Variants in ARHGAP26 observed in about 807,000 individuals in gnomAD.
ARHGAP26 encodes the protein rho GTPase-activating protein 26.
ARHGAP26 carries 38 observed loss-of-function variants against 104.8 expected under a neutral mutation model. That is an observed-to-expected ratio of 0.36 (90% confidence interval 0.28 to 0.48). The LOEUF (loss-of-function observed/expected upper bound fraction) is 0.48, where lower values mean the gene tolerates loss of function less well. Among genes scored for constraint, ARHGAP26 ranks in the 20% least tolerant of loss-of-function variants. ARHGAP26 has a pLI of 0.99. For synonymous variants in ARHGAP26, 341 were observed against 340.0 expected, an observed-to-expected ratio of 1.00 and a Z score of -0.03; for missense variants, 704 against 947.9, an observed-to-expected ratio of 0.74 and a Z score of 3.38.
At chr5:143,133,023 C>T (rs545222275) in intron 18 of ARHGAP26, among the ~76,000 whole-genome samples, 43 of 152,202 alleles carry the variant, frequency 2.8e-4, no homozygotes, top group Middle Eastern at 3.4e-3. Flanking sequence ...CACAGTGTGA[C>T]GACTGGTACC....
chr5:142,936,087 T>C (rs1268935573), intron 11 of ARHGAP26, among the ~76,000 whole-genome samples: 7 of 148,438 alleles, frequency 4.7e-5, no homozygotes. Context: ...AACACAATTG[T>C]CTATGTAGAA....
chr5:143,065,450 A>G (rs981483621), intron 17 of ARHGAP26, among the ~76,000 whole-genome samples: 3 of 152,204 alleles, frequency 2.0e-5, no homozygotes, highest in African/African-American at 2.4e-5. Context: ...TTCTACGTAT[A>G]TGAAGTTAAT....
At chr5:142,916,023 C>A (rs765782236) in intron 10 of ARHGAP26, among the ~76,000 whole-genome samples, 37 of 152,110 alleles carry the variant, frequency 2.4e-4, no homozygotes, top group Non-Finnish European at 4.1e-4. Context: ...CCTGCTGGAC[C>A]AGAGAGGCAG....
intron 11 of ARHGAP26, among the ~76,000 whole-genome samples, chr5:142,953,571 A>G (rs1167237758): frequency 1.3e-5 from 2 of 152,136 alleles, no homozygotes; most frequent in African/African-American, 4.8e-5. Context: ...CTTCCTTTCT[A>G]ATAGGCTCTT....
chr5:142,884,436 C>T (rs531769673), intron 4 of ARHGAP26, among the ~76,000 whole-genome samples: 9 of 152,130 alleles, frequency 5.9e-5, no homozygotes, highest in Non-Finnish European at 8.8e-5. Flanking sequence ...GACAATAATA[C>T]GGCTAATAAT....
intron 11 of ARHGAP26, among the ~76,000 whole-genome samples, chr5:142,960,423 G>T (rs1770024382): frequency 6.6e-6 from 1 of 152,264 alleles, no homozygotes; most frequent in East Asian, 1.9e-4. Flanking sequence ...CAATTCATAA[G>T]TTTTTAATTG....
intron 13 of ARHGAP26, among the ~76,000 whole-genome samples, chr5:143,039,978 G>A (rs1401894252): frequency 6.6e-6 from 1 of 152,170 alleles, no homozygotes. Context: ...AAAAAAGTGG[G>A]TATCTCCCGA....
chr5:143,167,936 C>T (rs17209132), intron 20 of ARHGAP26, among the ~76,000 whole-genome samples: 12,468 of 152,176 alleles, frequency 0.082, 635 homozygotes, highest in Non-Finnish European at 0.11. Flanking sequence ...TACAGGGGAT[C>T]GTGCCCTTCA....
chr5:142,847,652 C>T (rs184268219), intron 1 of ARHGAP26, among the ~76,000 whole-genome samples: 95 of 152,320 alleles, frequency 6.2e-4, no homozygotes, highest in African/African-American at 2.1e-3. Flanking sequence ...CCACCGTGCC[C>T]GGCCAGGATG....
intron 12 of ARHGAP26, among the ~76,000 whole-genome samples, chr5:143,015,062 GTTTTGTATGAA>G (rs1562264629): frequency 6.6e-6 from 1 of 151,900 alleles, no homozygotes; most frequent in Non-Finnish European, 1.5e-5. Context: ...TTACCCAGGA[GTTTTGTATGAA>G]ATATTAAATA....
intron 5 of ARHGAP26, among the ~76,000 whole-genome samples, chr5:142,890,032 A>C (rs1332953597): frequency 6.7e-6 from 1 of 148,420 alleles, no homozygotes; most frequent in Non-Finnish European, 1.5e-5. Context: ...CTACTTGGGA[A>C]GGCTGAGGCA....
At chr5:143,100,928 TAA>T (rs375857719) in intron 17 of ARHGAP26, among the ~76,000 whole-genome samples, 1 of 152,116 alleles carries the variant, frequency 6.6e-6, no homozygotes, top group African/African-American at 2.4e-5. Flanking sequence ...CTGTCTCTAC[TAA>T]AAAAATTGAA....
intron 19 of ARHGAP26, among the ~76,000 whole-genome samples, chr5:143,137,707 C>T (rs1403495849): frequency 3.3e-5 from 5 of 152,212 alleles, no homozygotes; most frequent in Admixed American, 3.3e-4. Context: ...ATTTGGCATT[C>T]CATTTGTCAG....
intron 11 of ARHGAP26, among the ~76,000 whole-genome samples, chr5:142,956,054 G>T (rs968099853): frequency 2.0e-5 from 3 of 152,200 alleles, no homozygotes; most frequent in African/African-American, 7.2e-5. Context: ...GCCATATTGT[G>T]TAATGAAACC....
intron 11 of ARHGAP26, 114 bp downstream of exon 11, chr5:142,932,239 G>A: frequency 1.1e-6 from 1 of 909,922 alleles, no homozygotes; most frequent in Non-Finnish European, 1.8e-6. Flanking sequence ...TGAAACCAGT[G>A]TACCAGAGGT....
intron 8 of ARHGAP26, among the ~76,000 whole-genome samples, chr5:142,905,046 T>TCA (rs1760916868): frequency 2.0e-5 from 3 of 152,172 alleles, no homozygotes; most frequent in Non-Finnish European, 4.4e-5. Flanking sequence ...CCTGTTGAGG[T>TCA]TTATAAGAAA....
intron 22 of ARHGAP26, among the ~76,000 whole-genome samples, chr5:143,214,958 A>AGC (rs1388694758): frequency 2.0e-5 from 3 of 152,168 alleles, no homozygotes; most frequent in Admixed American, 6.5e-5. Context: ...AAATGCACGA[A>AGC]CAGCCAGCCC....
chr5:142,979,590 C>G (rs1773624230), intron 11 of ARHGAP26, among the ~76,000 whole-genome samples: 1 of 152,244 alleles, frequency 6.6e-6, no homozygotes. Context: ...ACAGCAGGAA[C>G]AGGCTGATGG....
intron 1 of ARHGAP26, among the ~76,000 whole-genome samples, chr5:142,858,299 G>C (rs560916597): frequency 6.9e-4 from 105 of 152,300 alleles, no homozygotes; most frequent in Non-Finnish European, 1.3e-3. Context: ...CATTTGCCTA[G>C]TGGCAAAGTG....
Sources: allele counts gnomAD v4.1 joint callset (sites outside exome capture counted in the v4.1 genomes callset), GRCh38; gene constraint gnomAD v4.1.1; transcripts MANE v1.5; gene names NCBI Gene and HGNC (gene_info 2026-07-23, HGNC 2026-07-21).